The following AADACL2 variants were observed in gnomAD, a reference collection of about 807,000 sequenced individuals.
AADACL2 encodes the protein arylacetamide deacetylase like 2, also known as arylacetamide deacetylase-like 2.
A neutral mutation model predicts 22.3 loss-of-function variants in AADACL2; 23 were observed. The ratio of observed to expected loss-of-function variants is 1.03; its 90% CI spans 0.74 to 1.46. The LOEUF is 1.46. AADACL2 is among the 40% of genes most tolerant of loss of function. The pLI, the probability that AADACL2 is intolerant of heterozygous loss-of-function variation, is 0.00. For missense variants in AADACL2, 472 were observed against 482.9 expected (o/e 0.98, Z 0.21); for synonymous variants, 177 against 166.2 (o/e 1.07, Z -0.50).
chr3:151,734,655 T>G (rs1207013904), intron 1 of AADACL2, among the ~76,000 whole-genome samples: 1 of 152,200 alleles, frequency 6.6e-6, no homozygotes, highest in East Asian at 1.9e-4. Context: ...ATTATCTGAC[T>G]TGGCATGTGC....
intron 4 of AADACL2, among the ~76,000 whole-genome samples, chr3:151,754,805 T>A (rs1713828469): frequency 6.6e-6 from 1 of 152,168 alleles, no homozygotes; most frequent in Non-Finnish European, 1.5e-5. Context: ...ATTCTTGTTC[T>A]TTACAAAGTA....
At chr3:151,752,514 T>C (rs890120478) in intron 4 of AADACL2, among the ~76,000 whole-genome samples, 5 of 152,218 alleles carry the variant, frequency 3.3e-5, no homozygotes, top group African/African-American at 1.2e-4. Flanking sequence ...GTCACAACGA[T>C]CTGGATGATC....
chr3:151,756,415 C>T (rs1381983780), intron 4 of AADACL2, among the ~76,000 whole-genome samples: 2 of 151,820 alleles, frequency 1.3e-5, no homozygotes, highest in African/African-American at 4.8e-5. Flanking sequence ...TTTTCTTCAC[C>T]TTGGTCCACG....
chr3:151,747,753 A>G (rs569095539), intron 4 of AADACL2, among the ~76,000 whole-genome samples: 8 of 152,166 alleles, frequency 5.3e-5, no homozygotes, highest in Middle Eastern at 3.4e-3. Context: ...GCGAGTACAG[A>G]TATCTCTTCA....
At chr3:151,747,347 T>C (rs889534414) in intron 4 of AADACL2, among the ~76,000 whole-genome samples, 11 of 152,262 alleles carry the variant, frequency 7.2e-5, no homozygotes, top group African/African-American at 2.6e-4. Context: ...TTATTCATCC[T>C]GCATAACTGA....
intron 3 of AADACL2, 135 bp downstream of exon 3, chr3:151,744,297 G>A (rs1459939394): frequency 2.3e-5 from 17 of 742,600 alleles, no homozygotes; most frequent in Non-Finnish European, 3.2e-5. Context: ...TTGCAACATA[G>A]ACTGCTCCTC....
intron 3 of AADACL2, among the ~76,000 whole-genome samples, chr3:151,745,176 G>A (rs1218489701): frequency 6.6e-6 from 1 of 151,860 alleles, no homozygotes; most frequent in African/African-American, 2.4e-5. Context: ...AAAATGTTTG[G>A]ATTACAAGTT....
chr3:151,756,446 GT>G (rs1210862623), intron 4 of AADACL2, among the ~76,000 whole-genome samples: 1 of 151,500 alleles, frequency 6.6e-6, no homozygotes, highest in African/African-American at 2.4e-5. Flanking sequence ...TTGGGATAAT[GT>G]TTCTTAAAAA....
chr3:151,746,021 A>T (rs1243373453), intron 4 of AADACL2, among the ~76,000 whole-genome samples: 1 of 152,072 alleles, frequency 6.6e-6, no homozygotes, highest in Non-Finnish European at 1.5e-5. Flanking sequence ...GATTGCATTG[A>T]ATCTATAACT....
chr3:151,746,946 C>T (rs542410319), intron 4 of AADACL2, among the ~76,000 whole-genome samples: 14 of 151,564 alleles, frequency 9.2e-5, no homozygotes, highest in Non-Finnish European at 1.5e-4. Context: ...CTCCATCACC[C>T]AAGCTGGAGT....
At position 151,744,179 on chromosome 3, in the gene AADACL2, T is replaced by A. The variant is rs747218638; in HGVS notation, c.431+17T>A. ...AGGCGTGGAGTAAGAATGATTTTTT[T>A]CTGGCTACTATGATTTTTGCCTTTA... On this transcript the variant is annotated intron_variant, in intron 3 of 4. Transcript: ENST00000356517. 6.2e-7 allele frequency: 1 copy of A among 1,613,056 alleles called. No individual in the cohort carries two copies. The highest frequency in any genetic ancestry group is 8.5e-7 in the Non-Finnish European group (1 of 1,179,376).
chr3:151,743,631 C>T (rs923382434), intron 2 of AADACL2, among the ~76,000 whole-genome samples: 3 of 152,130 alleles, frequency 2.0e-5, no homozygotes, highest in East Asian at 1.9e-4. Flanking sequence ...TTTTGAAGAA[C>T]GATGTTTAGA....
At chr3:151,747,817 C>A (rs769056125) in intron 4 of AADACL2, among the ~76,000 whole-genome samples, 3 of 152,078 alleles carry the variant, frequency 2.0e-5, no homozygotes, top group African/African-American at 7.2e-5. Context: ...ATTGCTGAAT[C>A]ATCTGGTAGT....
intron 1 of AADACL2, among the ~76,000 whole-genome samples, chr3:151,734,484 C>T (rs1241361339): frequency 1.3e-5 from 2 of 152,092 alleles, no homozygotes; most frequent in Non-Finnish European, 2.9e-5. Flanking sequence ...GAGAACTTGA[C>T]TTAAATTTGA....
chr3:151,735,966 A>G (rs989308295), intron 1 of AADACL2, among the ~76,000 whole-genome samples: 2 of 152,172 alleles, frequency 1.3e-5, no homozygotes, highest in African/African-American at 4.8e-5. Flanking sequence ...GGTCAGGAAT[A>G]CCAAAGGCAG....
rs755990497 is a variant in AADACL2, at chr3:151,734,099, C to T, written c.64C>T (p.Pro22Ser). The change falls in exon 1 of 5, where the codon CCC (proline) becomes TCC (serine). Residue 22 changes from proline (P) to serine (S), a missense_variant. This residue lies in a region of AADACL2 where 356 missense variants were observed against 365.5 expected (regional missense o/e 0.97). Coordinates refer to ENST00000356517, the MANE Select transcript of AADACL2 (RefSeq NM_207365.4). ...CVLFVSHFYT[P>S]MPDNIEESWK... ...TCTTTTTGTCTCTCATTTTTACACA[C>T]CCATGCCAGACAACATTGAAGAAAG... The T allele has an allele frequency of 6.2e-7, 1 of 1,613,498 alleles. No individual in the cohort carries two copies. The highest frequency in any genetic ancestry group is 8.5e-7 in the Non-Finnish European group (1 of 1,179,738).
chr3:151,756,927 T>C, intron 4 of AADACL2, 65 bp from the exon 5 acceptor site: 2 of 1,477,148 alleles, frequency 1.4e-6, no homozygotes, highest in Non-Finnish European at 1.8e-6. Flanking sequence ...GCTAGATAAT[T>C]AAATTTTTTT....
chr3:151,754,723 C>T (rs1412797328), intron 4 of AADACL2, among the ~76,000 whole-genome samples: 1 of 152,018 alleles, frequency 6.6e-6, no homozygotes, highest in African/African-American at 2.4e-5. Flanking sequence ...AATACAGTTA[C>T]CAGTGTCTAA....
intron 4 of AADACL2, chr3:151,751,560 T>G (rs62274240): frequency 0.018 from 2,696 of 152,228 alleles, 30 homozygotes; most frequent in Non-Finnish European, 0.027. Flanking sequence ...TACACTCCTG[T>G]AGTCCCAGCA....
Sources: allele counts gnomAD v4.1 joint callset (sites outside exome capture counted in the v4.1 genomes callset), GRCh38; gene constraint gnomAD v4.1.1; regional missense constraint gnomAD v4.1.1; transcripts MANE v1.5; gene names NCBI Gene and HGNC (gene_info 2026-07-23, HGNC 2026-07-21).